GRIK1: variants seen among roughly 807,000 people sequenced by gnomAD.
GRIK1 encodes glutamate ionotropic receptor kainate type subunit 1, also known as glutamate receptor ionotropic, kainate 1.
Under a neutral mutation model 105.7 loss-of-function variants are expected in GRIK1, and 69 were observed. That is an observed-to-expected ratio of 0.65 (90% confidence interval 0.54 to 0.80). The LOEUF is 0.80. GRIK1 is among the 30% of genes least tolerant of loss of function. The pLI is 0.00. For missense variants in GRIK1, 1,109 were observed against 1,167.3 expected, an observed-to-expected ratio of 0.95 and a Z score of 0.73; for synonymous variants, 438 against 431.3, an observed-to-expected ratio of 1.02 and a Z score of -0.19.
intron 3 of GRIK1, among the ~76,000 whole-genome samples, chr21:29,679,581 A>C (rs1568966955): frequency 6.6e-6 from 1 of 152,172 alleles, no homozygotes; most frequent in East Asian, 1.9e-4. Flanking sequence ...CAAACTTAAC[A>C]TATTAATGAC....
At position 29,715,456 on chromosome 21, in the gene GRIK1, CCA is replaced by C. The variant is rs370244519; in HGVS notation, c.119-21395_119-21394del. ...AAACTTGTGCCAAAATATTTAGTAA[CCA>C]AGATAAGTAATATTTTAATGTAATA... On this transcript the variant is annotated intron_variant, in intron 1 of 17. Coordinates refer to ENST00000327783, the MANE Select transcript of GRIK1 (RefSeq NM_001330994.2). Among the ~76,000 whole-genome samples the C allele has an allele frequency of 5.7e-3, 862 of 152,030 alleles. 11 individuals carry two copies. The highest frequency in any genetic ancestry group is 0.019 in the African/African-American group (800 of 41,412).
intron 1 of GRIK1, among the ~76,000 whole-genome samples, chr21:29,823,570 TA>T (rs1332650874): frequency 6.6e-6 from 1 of 151,950 alleles, no homozygotes; most frequent in Non-Finnish European, 1.5e-5. Context: ...TGGAAATAAT[TA>T]TTTTTTTGAT....
intron 15 of GRIK1, among the ~76,000 whole-genome samples, chr21:29,560,352 T>TTTCC (rs2090386353): frequency 1.9e-5 from 2 of 104,684 alleles, no homozygotes; most frequent in African/African-American, 8.6e-5. Context: ...TCTTTCTTTC[T>TTTCC]TTCTTTTTCT....
intron 1 of GRIK1, among the ~76,000 whole-genome samples, chr21:29,887,593 C>A (rs2069681573): frequency 6.6e-6 from 1 of 152,018 alleles, no homozygotes; most frequent in Non-Finnish European, 1.5e-5. Context: ...GTACACATTT[C>A]AGGCAATTTT....
chr21:29,795,124 C>T (rs939067188), intron 1 of GRIK1, among the ~76,000 whole-genome samples: 3 of 147,704 alleles, frequency 2.0e-5, no homozygotes, highest in Non-Finnish European at 4.4e-5. Context: ...CAACCTCTGC[C>T]TCCCAGGTTC....
At chr21:29,738,856 C>G (rs1196345601) in intron 1 of GRIK1, among the ~76,000 whole-genome samples, 1 of 152,140 alleles carries the variant, frequency 6.6e-6, no homozygotes, top group Non-Finnish European at 1.5e-5. Flanking sequence ...GATAAAGAAA[C>G]TAGATATTGC....
At chr21:29,624,899 C>T (rs2062088156) in intron 7 of GRIK1, among the ~76,000 whole-genome samples, 1 of 152,244 alleles carries the variant, frequency 6.6e-6, no homozygotes, top group Admixed American at 6.5e-5. Context: ...GTCTCTGACT[C>T]TCCTGCTGTT....
At chr21:29,825,780 A>G (rs971702709) in intron 1 of GRIK1, among the ~76,000 whole-genome samples, 6 of 152,098 alleles carry the variant, frequency 3.9e-5, no homozygotes, top group Admixed American at 3.9e-4. Context: ...GCCAAATACT[A>G]TCCTTTACAT....
At chr21:29,793,251 G>T (rs1036286693) in intron 1 of GRIK1, among the ~76,000 whole-genome samples, 1 of 152,192 alleles carries the variant, frequency 6.6e-6, no homozygotes, top group Non-Finnish European at 1.5e-5. Context: ...ATTGCTTGTG[G>T]ATATTCTTGA....
At chr21:29,930,360 G>A (rs2071525007) in intron 1 of GRIK1, among the ~76,000 whole-genome samples, 1 of 152,232 alleles carries the variant, frequency 6.6e-6, no homozygotes. Flanking sequence ...CATTTTAGAA[G>A]TTTAAAATTT....
At chr21:29,858,026 G>A (rs1441381491) in intron 1 of GRIK1, among the ~76,000 whole-genome samples, 3 of 152,116 alleles carry the variant, frequency 2.0e-5, no homozygotes, top group African/African-American at 4.8e-5. Flanking sequence ...CAGCCCCGCC[G>A]AGTAGCTGGG....
chr21:29,650,153 C>A (rs553302885), intron 6 of GRIK1, among the ~76,000 whole-genome samples: 6 of 152,244 alleles, frequency 3.9e-5, no homozygotes, highest in African/African-American at 1.4e-4. Context: ...AGTTAGGGAG[C>A]CTGAACATAG....
At chr21:29,576,392 T>C (rs1270557273) in intron 14 of GRIK1, among the ~76,000 whole-genome samples, 1 of 152,200 alleles carries the variant, frequency 6.6e-6, no homozygotes, top group East Asian at 1.9e-4. Context: ...TTTGAAAAGC[T>C]TCAGGCATGG....
intron 1 of GRIK1, among the ~76,000 whole-genome samples, chr21:29,872,848 T>C (rs1170790740): frequency 6.6e-6 from 1 of 152,128 alleles, no homozygotes; most frequent in Non-Finnish European, 1.5e-5. Flanking sequence ...GTCCCTTCCA[T>C]GACACATGGT....
In GRIK1 at chr21:29,600,287, G is replaced by A. The variant is rs9976419; in HGVS notation, c.1099-1350C>T. Among the ~76,000 whole-genome samples, 1,102 of 152,132 alleles carry A rather than the reference G, an allele frequency of 7.2e-3. 9 individuals carry two copies. The highest frequency in any genetic ancestry group is 0.012 in the Non-Finnish European group (820 of 68,000). The stretch of plus-strand genomic sequence containing the variant: ...GACATGGGTAACTTTTGAGGGTGCC[G>A]GTCTTCTTCCTACCCTACATATCAA... On this transcript the variant is annotated intron_variant, in intron 7 of 17. Transcript: ENST00000327783.
intron 1 of GRIK1, among the ~76,000 whole-genome samples, chr21:29,807,372 A>G (rs1425979485): frequency 1.3e-5 from 2 of 152,110 alleles, no homozygotes; most frequent in Admixed American, 6.6e-5. Context: ...CTTCTAAGCA[A>G]CTGTAACTTG....
At chr21:29,699,096 C>T (rs1167287237) in intron 1 of GRIK1, among the ~76,000 whole-genome samples, 1 of 152,128 alleles carries the variant, frequency 6.6e-6, no homozygotes, top group Non-Finnish European at 1.5e-5. Flanking sequence ...TCACCTGAGA[C>T]AAGGTGCCAC....
chr21:29,894,455 G>A (rs887891753), intron 1 of GRIK1, among the ~76,000 whole-genome samples: 5 of 152,188 alleles, frequency 3.3e-5, no homozygotes, highest in African/African-American at 1.2e-4. Flanking sequence ...AAGGCCAGAA[G>A]ACTCAGCAAG....
At chr21:29,789,769 A>C (rs892163305) in intron 1 of GRIK1, among the ~76,000 whole-genome samples, 3 of 152,208 alleles carry the variant, frequency 2.0e-5, no homozygotes, top group Non-Finnish European at 4.4e-5. Flanking sequence ...TTTATGAATA[A>C]AGGCTTTGGG....
Sources: gnomAD v4.1 joint callset for allele counts (sites outside exome capture counted in the v4.1 genomes callset) on GRCh38, gnomAD v4.1.1 for gene constraint, MANE v1.5 for transcripts, NCBI Gene and HGNC (gene_info 2026-07-23, HGNC 2026-07-21) for gene names.